Variants in ANKRD55 observed in about 807,000 individuals in gnomAD.
The protein encoded by ANKRD55 is ankyrin repeat domain 55.
ANKRD55 carries 41 observed loss-of-function variants against 60.6 expected under a neutral mutation model. That is an observed-to-expected ratio of 0.68 (90% CI 0.53 to 0.88). The LOEUF (loss-of-function observed/expected upper bound fraction) is 0.88. ANKRD55 is among the 40% of genes least tolerant of loss of function. The pLI is 0.00. For missense variants in ANKRD55, 732 were observed against 767.6 expected (o/e 0.95, Z 0.55); for synonymous variants, 264 against 290.3 (o/e 0.91, Z 0.92).
intron 5 of ANKRD55, among the ~76,000 whole-genome samples, chr5:56,166,122 CT>C (rs1275751986): frequency 2.7e-3 from 231 of 87,126 alleles, no homozygotes; most frequent in African/African-American, 4.3e-3. Flanking sequence ...TTCTTTCTTT[CT>C]TTCTTTCTTT....
At chr5:56,219,312 G>T (rs932207096) in intron 2 of ANKRD55, among the ~76,000 whole-genome samples, 8 of 147,480 alleles carry the variant, frequency 5.4e-5, no homozygotes, top group East Asian at 2.0e-4. Flanking sequence ...AAAATAATTT[G>T]AATACTATTG....
intron 3 of ANKRD55, among the ~76,000 whole-genome samples, chr5:56,181,527 T>C (rs1486982780): frequency 2.0e-5 from 3 of 152,210 alleles, no homozygotes; most frequent in Non-Finnish European, 4.4e-5. Flanking sequence ...CTTTCAAATA[T>C]TGAACCAGTC....
intron 4 of ANKRD55, among the ~76,000 whole-genome samples, chr5:56,174,533 G>C (rs1758694990): frequency 6.6e-6 from 1 of 152,188 alleles, no homozygotes; most frequent in South Asian, 2.1e-4. Flanking sequence ...TGGGACTTCG[G>C]CTAATATGCA....
intron 6 of ANKRD55, among the ~76,000 whole-genome samples, chr5:56,149,843 C>CTT (rs763644589): frequency 7.8e-5 from 11 of 140,364 alleles, no homozygotes; most frequent in South Asian, 2.3e-4. Context: ...TCACTAACTT[C>CTT]TTTTTTTTTT....
chr5:56,162,646 C>T (rs1211621489), intron 5 of ANKRD55, among the ~76,000 whole-genome samples: 1 of 149,538 alleles, frequency 6.7e-6, no homozygotes, highest in South Asian at 2.1e-4. Flanking sequence ...CATCAACCAT[C>T]ATCTCTTGTT....
intron 5 of ANKRD55, among the ~76,000 whole-genome samples, chr5:56,166,254 TTTCCTTCC>T (rs201171927): frequency 5.0e-4 from 73 of 145,486 alleles, no homozygotes; most frequent in African/African-American, 1.7e-3. Context: ...TCTCTCTTTC[TTTCCTTCC>T]TTCCTTCCTT....
intron 8 of ANKRD55, among the ~76,000 whole-genome samples, chr5:56,119,309 A>AAAT (rs1756972400): frequency 6.6e-6 from 1 of 152,216 alleles, no homozygotes; most frequent in African/African-American, 2.4e-5. Context: ...CTGCTAAGTG[A>AAAT]AATAAATCAA....
chr5:56,127,241 A>G, intron 7 of ANKRD55, 135 bp from the exon 8 acceptor site: 2 of 1,303,388 alleles, frequency 1.5e-6, no homozygotes, highest in Non-Finnish European at 1.9e-6. Context: ...AGAAAAGGAA[A>G]TGGAAAAAAA....
chr5:56,111,457 G>A lies in ANKRD55; in HGVS notation c.1291C>T (p.Pro431Ser). Residue 431 changes from proline (P) to serine (S), a missense_variant, in exon 10 of 12, where the codon CCA becomes TCA. Around this residue, in one of 3 missense-constraint regions of ANKRD55, gnomAD observed 597 missense variants for 607.5 expected, o/e 0.98. Transcript: ENST00000341048. ...KKPLARKGLPPIRTQSLPPIT... is the reference protein window; with the variant it reads ...KKPLARKGLPSIRTQSLPPIT... ...GGTGGGAGACTCTGCGTTCTGATTGGTGGAAGCCCCTTACGGGCCAGCGGT... is the reference window on the plus strand; with the variant it reads ...GGTGGGAGACTCTGCGTTCTGATTGATGGAAGCCCCTTACGGGCCAGCGGT... 2 of 1,614,190 alleles carry A rather than the reference G, an allele frequency of 1.2e-6. No homozygotes were observed. Among genetic ancestry groups the A allele is most frequent in the East Asian group, 2.2e-5 (1 of 44,890 alleles).
At chr5:56,173,877 C>T (rs1206877123) in intron 4 of ANKRD55, among the ~76,000 whole-genome samples, 2 of 152,072 alleles carry the variant, frequency 1.3e-5, no homozygotes, top group Non-Finnish European at 2.9e-5. Flanking sequence ...GAGTTTGACA[C>T]ATCTGTGGTA....
At chr5:56,132,859 G>A (rs1283257387) in intron 7 of ANKRD55, among the ~76,000 whole-genome samples, 2 of 151,942 alleles carry the variant, frequency 1.3e-5, no homozygotes, top group African/African-American at 4.8e-5. Context: ...AAAGAAAGCA[G>A]GAGTAGCTAT....
chr5:56,186,435 G>A lies in ANKRD55; in HGVS notation c.59-2801C>T, dbSNP rs114809900. On this transcript the variant is annotated intron_variant, in intron 2 of 11. Coordinates refer to ENST00000341048, the MANE Select transcript of ANKRD55 (RefSeq NM_024669.3). ...TCCCAAAGTGCTGTGATTTATAGGCGTAAGCCACTGTTCCTGGCCAGTTTC... is the reference window on the plus strand; with the variant it reads ...TCCCAAAGTGCTGTGATTTATAGGCATAAGCCACTGTTCCTGGCCAGTTTC... Among the ~76,000 whole-genome samples the A allele has an allele frequency of 9.3e-3, 1,410 of 152,248 alleles. 19 individuals are homozygous for A. The highest frequency in any genetic ancestry group is 0.032 in the African/African-American group (1,338 of 41,528).
At chr5:56,199,441 A>G (rs528020607) in intron 2 of ANKRD55, among the ~76,000 whole-genome samples, 77 of 152,316 alleles carry the variant, frequency 5.1e-4, no homozygotes, top group African/African-American at 1.5e-3. Flanking sequence ...TGAATGGTTT[A>G]AAAATGTCTG....
chr5:56,202,344 G>A (rs1291351719), intron 2 of ANKRD55, among the ~76,000 whole-genome samples: 1 of 151,998 alleles, frequency 6.6e-6, no homozygotes, highest in East Asian at 1.9e-4. Flanking sequence ...TGTGCCTGTT[G>A]TTATTATTAT....
At chr5:56,205,428 A>G (rs1023720228) in intron 2 of ANKRD55, among the ~76,000 whole-genome samples, 2 of 152,200 alleles carry the variant, frequency 1.3e-5, no homozygotes, top group African/African-American at 4.8e-5. Flanking sequence ...AATTAATAAG[A>G]CTTTTGAATG....
chr5:56,103,208 G>A (rs766730622), intron 10 of ANKRD55, among the ~76,000 whole-genome samples: 64 of 152,234 alleles, frequency 4.2e-4, no homozygotes, highest in Non-Finnish European at 8.2e-4. Context: ...GAAAGCAGTG[G>A]TGTGTGCATG....
At chr5:56,109,863 A>G (rs927351927) in intron 10 of ANKRD55, among the ~76,000 whole-genome samples, 4 of 152,080 alleles carry the variant, frequency 2.6e-5, no homozygotes, top group African/African-American at 9.7e-5. Flanking sequence ...CTAAAAATAC[A>G]AAGAATTAGC....
chr5:56,187,123 T>G (rs1758990394), intron 2 of ANKRD55, among the ~76,000 whole-genome samples: 1 of 152,196 alleles, frequency 6.6e-6, no homozygotes, highest in Admixed American at 6.5e-5. Context: ...GCCAGAAATC[T>G]AATTAGATAG....
chr5:56,141,091 G>A (rs1243993799), intron 7 of ANKRD55, among the ~76,000 whole-genome samples: 7 of 144,664 alleles, frequency 4.8e-5, no homozygotes, highest in East Asian at 4.0e-4. Flanking sequence ...ATATATATAT[G>A]TGTGTGTGTG....
Sources: allele counts gnomAD v4.1 joint callset (sites outside exome capture counted in the v4.1 genomes callset), GRCh38; gene constraint gnomAD v4.1.1; regional missense constraint gnomAD v4.1.1; transcripts MANE v1.5; gene names NCBI Gene and HGNC (gene_info 2026-07-23, HGNC 2026-07-21).